Variants in BCO1 observed in about 807,000 individuals in gnomAD.
The protein encoded by BCO1 is beta-carotene oxygenase 1.
A neutral mutation model predicts 56.3 loss-of-function variants in BCO1; 54 were observed. The ratio of observed to expected loss-of-function variants is 0.96; its 90% CI spans 0.77 to 1.20. The LOEUF (loss-of-function observed/expected upper bound fraction) is 1.20, where lower values mean the gene tolerates loss of function less well. BCO1 is among the 50% of genes most tolerant of loss of function. The pLI is 0.00. For synonymous variants in BCO1, 318 were observed against 266.1 expected, an observed-to-expected ratio of 1.20 and a Z score of -1.90; for missense variants, 801 against 690.9, an observed-to-expected ratio of 1.16 and a Z score of -1.79.
chr16:81,267,959 C>G lies in BCO1; in HGVS notation c.671C>G (p.Ser224Cys). The G allele has an allele frequency of 1.2e-6, 2 of 1,613,936 alleles. No homozygotes were observed. The highest frequency in any genetic ancestry group is 2.2e-5 in the South Asian group (2 of 91,048). Residue 224 changes from serine to cysteine, a missense_variant, in exon 6 of 11, where the codon TCC becomes TGC. Coordinates refer to ENST00000258168, the MANE Select transcript of BCO1 (RefSeq NM_017429.3). ...TGGAAGCACACAGAGGTGTTCTGCT[C>G]CATCCCATCCCGCTCCCTGCTCTCC... ...SPWKHTEVFC[S>C]IPSRSLLSPS...
chr16:81,268,126 G>A lies in BCO1; in HGVS notation c.838G>A (p.Glu280Lys), dbSNP rs1315544963. ...CTCCTGCCTGGCTTTCCACAGGGAG[G>A]AGAAGGTGAGGTCTGGCTGGACTCT... The part of the protein sequence containing the change: ...WASCLAFHRE[E>K]KTYIHIIDQR... The change falls in exon 6 of 11, where the codon GAG (glutamate) becomes AAG (lysine). Residue 280 changes from glutamate (E) to lysine (K), a missense_variant. Glu to Lys is a moderately conservative substitution (Grantham distance 56). Coordinates refer to ENST00000258168, the MANE Select transcript of BCO1 (RefSeq NM_017429.3). 15 of 1,607,722 alleles carry A rather than the reference G, an allele frequency of 9.3e-6. No homozygotes were observed. Among genetic ancestry groups the A allele is most frequent in the Non-Finnish European group, 1.3e-5 (15 of 1,179,930 alleles).
chr16:81,247,978 T>G (rs72833311), intron 2 of BCO1, among the ~76,000 whole-genome samples: 24,499 of 152,166 alleles, frequency 0.16, 2,645 homozygotes, highest in Non-Finnish European at 0.23. Context: ...TCTGTCTCAG[T>G]CTCTTCTGTA....
intron 7 of BCO1, among the ~76,000 whole-genome samples, chr16:81,274,644 C>T (rs555620739): frequency 1.3e-3 from 199 of 152,240 alleles, no homozygotes; most frequent in Non-Finnish European, 2.2e-3. Flanking sequence ...TTTAGGAGGC[C>T]CAGGCAGGTG....
Position 81,262,214 on chromosome 16 carries a change from C to T in BCO1, c.402C>T (p.Asp134=). Reference sequence around the variant, plus strand: ...TCAACATCATGAAGTGCGGAGAAGACTTCTACGCGACCTCAGAGACCAATT... The same window carrying T: ...TCAACATCATGAAGTGCGGAGAAGATTTCTACGCGACCTCAGAGACCAATT... ...CLINIMKCGE[D]FYATSETNYI... Residue 134 remains aspartate (D), a synonymous_variant, in exon 4 of 11, where the codon GAC becomes GAT. Transcript: ENST00000258168. The T allele has an allele frequency of 1.2e-6, 2 of 1,613,980 alleles. No individual in the cohort carries two copies. Among genetic ancestry groups the T allele is most frequent in the South Asian group, 1.1e-5 (1 of 91,072 alleles).
chr16:81,268,661 ATGCATGTATATGTGTACATGTATATG>A (rs1567456509), intron 6 of BCO1, among the ~76,000 whole-genome samples: 1 of 152,208 alleles, frequency 6.6e-6, no homozygotes. Context: ...ATATGCACAT[ATGCATGTATATGTGTACATGTATATG>A]TGCATGTATG....
intron 6 of BCO1, among the ~76,000 whole-genome samples, chr16:81,269,065 C>CTTTTTTTTTTTTTTT (rs71146003): frequency 1.2e-5 from 1 of 83,070 alleles, no homozygotes; most frequent in Non-Finnish European, 2.2e-5. Context: ...TGCACCTGGT[C>CTTTTTTTTTTTTTTT]TTTTTTTTTT....
chr16:81,259,964 G>C (rs976787537), intron 3 of BCO1, among the ~76,000 whole-genome samples, 159 bp downstream of exon 3: 1 of 152,170 alleles, frequency 6.6e-6, no homozygotes, highest in African/African-American at 2.4e-5. Flanking sequence ...CTTGATCACT[G>C]ATTGCCAGAG....
rs530069845 is a variant in BCO1, at chr16:81,256,911, A to G, written c.194-2765A>G. 8.6e-5 allele frequency among the ~76,000 whole-genome samples: 13 copies of G among 152,020 alleles called. No individual in the cohort carries two copies. In the South Asian group the frequency reaches 1.5e-3, roughly 17 times the overall value. On this transcript the variant is annotated intron_variant, in intron 2 of 10. Coordinates refer to ENST00000258168, the MANE Select transcript of BCO1 (RefSeq NM_017429.3). ...AAAAAAAGAAAAAAAAAAAGTTATC[A>G]GGCCTGCAAACCTAGTAGGACCCCT...
intron 9 of BCO1, among the ~76,000 whole-genome samples, 157 bp from the exon 10 acceptor site, chr16:81,287,138 G>T (rs1908228378): frequency 6.6e-6 from 1 of 152,180 alleles, no homozygotes; most frequent in African/African-American, 2.4e-5. Context: ...TTTCTTGGCT[G>T]TGCTCACCAG....
chr16:81,281,028 T>C (rs772102964), intron 8 of BCO1, 66 bp downstream of exon 8: 6 of 1,162,930 alleles, frequency 5.2e-6, no homozygotes, highest in Non-Finnish European at 7.7e-6. Context: ...CCCAGAGGCC[T>C]CTTTACATAA....
chr16:81,244,224 C>G (rs9932225), intron 1 of BCO1, among the ~76,000 whole-genome samples: 1 of 152,214 alleles, frequency 6.6e-6, no homozygotes, highest in African/African-American at 2.4e-5. Context: ...ACAGCATTTT[C>G]TGCAGCACCC....
intron 2 of BCO1, among the ~76,000 whole-genome samples, chr16:81,253,962 A>G (rs1905968382): frequency 6.6e-6 from 1 of 152,124 alleles, no homozygotes; most frequent in Non-Finnish European, 1.5e-5. Context: ...CTGTCTCACA[A>G]AGAAAGGAGA....
chr16:81,242,334 G>A (rs1293618056), intron 1 of BCO1, among the ~76,000 whole-genome samples: 2 of 151,606 alleles, frequency 1.3e-5, no homozygotes, highest in Non-Finnish European at 2.9e-5. Context: ...CCCAGTAGCT[G>A]GGATTACAGG....
chr16:81,275,771 G>A (rs1907516804), intron 7 of BCO1, among the ~76,000 whole-genome samples: 1 of 152,256 alleles, frequency 6.6e-6, no homozygotes, highest in African/African-American at 2.4e-5. Flanking sequence ...TATTTAAAAG[G>A]CCAGGAGGTC....
intron 2 of BCO1, among the ~76,000 whole-genome samples, chr16:81,246,560 A>C (rs1269127487): frequency 6.6e-6 from 1 of 152,162 alleles, no homozygotes; most frequent in Non-Finnish European, 1.5e-5. Flanking sequence ...GGAAATGGAC[A>C]GAGCTGGTAG....
At chr16:81,264,306 A>G (rs1277246872) in intron 4 of BCO1, among the ~76,000 whole-genome samples, 1 of 152,192 alleles carries the variant, frequency 6.6e-6, no homozygotes, top group Admixed American at 6.5e-5. Flanking sequence ...TTCCATGTTG[A>G]GGATTCCAGC....
At chr16:81,250,908 C>T (rs1905755494) in intron 2 of BCO1, among the ~76,000 whole-genome samples, 1 of 152,112 alleles carries the variant, frequency 6.6e-6, no homozygotes, top group Non-Finnish European at 1.5e-5. Context: ...ATCCTGAAAG[C>T]TGCACAGGGC....
At chr16:81,261,952 C>T in intron 3 of BCO1, 184 bp from the exon 4 acceptor site, 1 of 661,222 alleles carries the variant, frequency 1.5e-6, no homozygotes, top group Non-Finnish European at 2.7e-6. Flanking sequence ...CCGTGTTGGC[C>T]AGGATGGTCT....
intron 7 of BCO1, among the ~76,000 whole-genome samples, chr16:81,273,580 G>A (rs1329320958): frequency 6.6e-6 from 1 of 151,586 alleles, no homozygotes; most frequent in Non-Finnish European, 1.5e-5. Context: ...GGCCATTTGT[G>A]TGTCTCTGCC....
Sources: gnomAD v4.1 joint callset for allele counts (sites outside exome capture counted in the v4.1 genomes callset) on GRCh38, gnomAD v4.1.1 for gene constraint, MANE v1.5 for transcripts, NCBI Gene and HGNC (gene_info 2026-07-23, HGNC 2026-07-21) for gene names.